The following MAX variants were observed in gnomAD, a reference collection of about 807,000 sequenced individuals.
MAX encodes MYC associated transcriptional regulator X.
A neutral mutation model predicts 22.3 loss-of-function variants in MAX; 3 were observed. That is an observed-to-expected ratio of 0.13 (90% CI 0.06 to 0.35). The LOEUF is 0.35. MAX is among the 10% of genes least tolerant of loss of function. The probability of loss-of-function intolerance (pLI) is 1.00; values close to 1 mark genes in which losing one functional copy is unlikely to be tolerated. For missense variants in MAX, 119 were observed against 209.4 expected (o/e 0.57, Z 2.66); for synonymous variants, 72 against 77.7 (o/e 0.93, Z 0.39).
At position 65,012,197 on chromosome 14, in the gene MAX, G is replaced by A; in HGVS notation, c.172-5913C>T. Reference sequence around the variant, plus strand: ...AGAGAAGTTGCTGGTTATCCAGTCAGTGATTGCAGGGGGACGTCCTGAAGC... The same window carrying A: ...AGAGAAGTTGCTGGTTATCCAGTCAATGATTGCAGGGGGACGTCCTGAAGC... On this transcript the variant is annotated intron_variant, in intron 3 of 3. Coordinates refer to the MAX transcript ENST00000341653. This position sits in a 1 kb window ranked among gnomAD's most constrained non-coding sequence, Gnocchi z 5.0. 4.9e-6 allele frequency: 6 copies of A among 1,229,978 alleles called. No individual in the cohort carries two copies. The highest frequency in any genetic ancestry group is 2.0e-4 in the Middle Eastern group (1 of 5,022). 76.2% of individuals were successfully genotyped at this position (1,229,978 alleles called of 1,614,324 possible).
chr14:65,037,173 G>A (rs537586372), intron 3 of MAX, among the ~76,000 whole-genome samples: 4 of 150,162 alleles, frequency 2.7e-5, no homozygotes, highest in Non-Finnish European at 4.4e-5. Context: ...GCGTGATCTC[G>A]GCTCACTGCA....
At position 65,093,923 on chromosome 14, in the gene MAX, A is replaced by G. The variant is rs1667184379; in HGVS notation, c.64-108T>C. ...CACGCTGTCAGCACTGTCCCTGGCG[A>G]GTGGACTGGGAAGGATTTCTCGAGG... On this transcript the variant is annotated intron_variant, in intron 2 of 4. Coordinates refer to ENST00000358664, the MANE Select transcript of MAX (RefSeq NM_002382.5). The surrounding 1 kb of genome is among the most constrained non-coding windows in gnomAD (Gnocchi z 4.4). 1.3e-6 allele frequency: 1 copy of G among 761,810 alleles called. No individual in the cohort carries two copies. The highest frequency in any genetic ancestry group is 2.4e-6 in the Non-Finnish European group (1 of 415,060). 47.2% of individuals were successfully genotyped at this position (761,810 alleles called of 1,614,324 possible). A position where few individuals can be genotyped will look rare whatever the true frequency, so the allele number is the denominator to read the frequency against.
At chr14:65,061,538 C>T in intron 3 of MAX, 2 of 623,554 alleles carry the variant, frequency 3.2e-6, no homozygotes, top group South Asian at 4.3e-5. Context: ...AATCTATCAG[C>T]CCACGTGGTG....
rs2296318 is a variant in MAX, at chr14:65,044,725, C to T, written c.172-38441G>A. Reference sequence around the variant, plus strand: ...GGGGAGGAAGTGGGCGCTGCTTCTGCGTTATCTGGAAGGAGCAGCCCACTC... The same window carrying T: ...GGGGAGGAAGTGGGCGCTGCTTCTGTGTTATCTGGAAGGAGCAGCCCACTC... On this transcript the variant is annotated intron_variant, in intron 3 of 3. Transcript: ENST00000341653. The surrounding 1 kb of genome is among the most constrained non-coding windows in gnomAD (Gnocchi z 5.5). The T allele has an allele frequency of 3.4e-5, 15 of 438,228 alleles. No homozygotes were observed. In the East Asian group the frequency reaches 7.8e-4, roughly 23 times the overall value. The allele number at this position is 438,228 out of a possible 1,614,324, so 27.1% of individuals were successfully genotyped here. A position where few individuals can be genotyped will look rare whatever the true frequency, so the allele number is the denominator to read the frequency against.
chr14:65,006,314 C>A (rs1595002143), intron 3 of MAX: 3 of 1,612,794 alleles, frequency 1.9e-6, no homozygotes, highest in Non-Finnish European at 2.5e-6. Flanking sequence ...AAAATATCAG[C>A]TTACTAGTAT....
chr14:65,066,576 C>T (rs1015808920), intron 3 of MAX, among the ~76,000 whole-genome samples: 3 of 152,102 alleles, frequency 2.0e-5, no homozygotes, highest in African/African-American at 4.8e-5. Context: ...AATGCATGGC[C>T]GGGTGTGGTG....
chr14:65,095,582 G>A (rs1256444277), intron 2 of MAX, among the ~76,000 whole-genome samples: 2 of 152,142 alleles, frequency 1.3e-5, no homozygotes, highest in Admixed American at 1.3e-4. Context: ...AAGATAAGTT[G>A]GGCTGCGACT....
chr14:65,044,308 C>T lies in MAX; in HGVS notation c.172-38024G>A. The T allele has an allele frequency of 6.2e-7, 1 of 1,613,204 alleles. No homozygotes were observed. Among genetic ancestry groups the T allele is most frequent in the South Asian group, 1.1e-5 (1 of 90,756 alleles). On this transcript the variant is annotated intron_variant, in intron 3 of 3. Coordinates refer to the MAX transcript ENST00000341653. This position sits in a 1 kb window ranked among gnomAD's most constrained non-coding sequence, Gnocchi z 5.5. ...ACTGCCTTTCCCATCTGTGTCTCCT[C>T]AGCAATGGGTGACAAGCCGGCAGAT...
In MAX at chr14:65,044,597, T is replaced by G; in HGVS notation, c.172-38313A>C. 1 of 1,117,826 alleles carries G rather than the reference T, an allele frequency of 8.9e-7. No individual in the cohort carries two copies. The highest frequency in any genetic ancestry group is 1.2e-6 in the Non-Finnish European group (1 of 822,774). 69.2% of individuals were successfully genotyped at this position (1,117,826 alleles called of 1,614,324 possible). A position where few individuals can be genotyped will look rare whatever the true frequency, so the allele number is the denominator to read the frequency against. Reference sequence around the variant, plus strand: ...GTGTGGAACCTCATGCCGTGGGGCATGCGAATGCAGAGTAAGATTTAGTTT... The same window carrying G: ...GTGTGGAACCTCATGCCGTGGGGCAGGCGAATGCAGAGTAAGATTTAGTTT... On this transcript the variant is annotated intron_variant, in intron 3 of 3. Transcript: ENST00000341653. The surrounding 1 kb of genome is among the most constrained non-coding windows in gnomAD (Gnocchi z 5.5).
Position 65,077,017 on chromosome 14 carries a change from G to A in MAX, c.296-354C>T. 1 of 543,964 alleles carries A rather than the reference G, an allele frequency of 1.8e-6. No homozygotes were observed. The highest frequency in any genetic ancestry group is 3.2e-5 in the East Asian group (1 of 30,886). The allele number at this position is 543,964 out of a possible 1,614,324, so 33.7% of individuals were successfully genotyped here. On this transcript the variant is annotated intron_variant, in intron 4 of 4. Coordinates refer to ENST00000358664, the MANE Select transcript of MAX (RefSeq NM_002382.5). This position sits in a 1 kb window ranked among gnomAD's most constrained non-coding sequence, Gnocchi z 6.3. ...AGAGGAGAAGCTGGCCCAGGAGCAT[G>A]AGGCTCCACAAGGTGTGAGGCCACA...
intron 3 of MAX, among the ~76,000 whole-genome samples, chr14:65,013,451 T>C (rs774521679): frequency 3.9e-5 from 6 of 152,196 alleles, no homozygotes; most frequent in Non-Finnish European, 1.5e-5. Flanking sequence ...CTGTGGGCTA[T>C]GAATTTTCAA....
At chr14:65,020,548 C>G (rs977269753) in intron 3 of MAX, among the ~76,000 whole-genome samples, 2 of 151,976 alleles carry the variant, frequency 1.3e-5, no homozygotes, top group East Asian at 3.9e-4. Context: ...GCCTCGGCCT[C>G]CCGAGTAGCT....
At position 65,054,211 on chromosome 14, in the gene MAX, C is replaced by T. The variant is rs1288052136; in HGVS notation, c.171+39497G>A. ...CACTGCAGCCTTCACCTCTTGGGCTCGAGTGATCCTCCTGCTTCAGCCTCC... is the reference window on the plus strand; with the variant it reads ...CACTGCAGCCTTCACCTCTTGGGCTTGAGTGATCCTCCTGCTTCAGCCTCC... On this transcript the variant is annotated intron_variant, in intron 3 of 3. Coordinates refer to the MAX transcript ENST00000341653. The surrounding 1 kb of genome is among the most constrained non-coding windows in gnomAD (Gnocchi z 4.4). 6.6e-6 allele frequency among the ~76,000 whole-genome samples: 1 copy of T among 152,076 alleles called. No individual in the cohort carries two copies. The highest frequency in any genetic ancestry group is 1.5e-5 in the Non-Finnish European group (1 of 68,032).
chr14:65,063,842 G>A (rs2062903561), intron 3 of MAX, among the ~76,000 whole-genome samples: 1 of 152,156 alleles, frequency 6.6e-6, no homozygotes, highest in Admixed American at 6.5e-5. Flanking sequence ...TGAGATTACG[G>A]GTGTGAGCCA....
At chr14:65,021,739 G>A (rs530566471) in intron 3 of MAX, among the ~76,000 whole-genome samples, 2 of 152,210 alleles carry the variant, frequency 1.3e-5, no homozygotes, top group East Asian at 1.9e-4. Flanking sequence ...TCCACCTTCC[G>A]GGTTCAAGCG....
Position 65,076,287 on chromosome 14 carries a change from G to C in MAX, c.*189C>G. ...GGGAATACATTAAAAAATATACAGT[G>C]GAAATGGGGAAGGAGAACGAGAGCT... On this transcript the variant is annotated 3_prime_UTR_variant, in exon 5 of 5. Coordinates refer to ENST00000358664, the MANE Select transcript of MAX (RefSeq NM_002382.5). The surrounding 1 kb of genome is among the most constrained non-coding windows in gnomAD (Gnocchi z 6.6). The C allele has an allele frequency of 6.9e-7, 1 of 1,455,474 alleles. No homozygotes were observed. The highest frequency in any genetic ancestry group is 9.0e-7 in the Non-Finnish European group (1 of 1,110,460). The allele number at this position is 1,455,474 out of a possible 1,614,324, so 90.2% of individuals were successfully genotyped here. A position where few individuals can be genotyped will look rare whatever the true frequency, so the allele number is the denominator to read the frequency against.
intron 3 of MAX, among the ~76,000 whole-genome samples, chr14:65,033,848 C>T (rs1279355943): frequency 2.9e-4 from 44 of 152,112 alleles, no homozygotes; most frequent in Admixed American, 2.9e-3. Flanking sequence ...CAGGGCGAGA[C>T]TCCATCTCAA....
At chr14:65,056,103 T>TTATA (rs899419250) in intron 3 of MAX, among the ~76,000 whole-genome samples, 2 of 152,222 alleles carry the variant, frequency 1.3e-5, no homozygotes, top group African/African-American at 4.8e-5. Flanking sequence ...AATATATAGT[T>TTATA]TTTTATAAGC....
chr14:65,049,141 A>G (rs1454633065), intron 3 of MAX, among the ~76,000 whole-genome samples: 2 of 143,384 alleles, frequency 1.4e-5, no homozygotes, highest in East Asian at 4.1e-4. Flanking sequence ...AAAAAAAAAA[A>G]GGCTTAAGAA....
Sources: allele counts gnomAD v4.1 joint callset (sites outside exome capture counted in the v4.1 genomes callset), GRCh38; gene constraint gnomAD v4.1.1; non-coding constraint Gnocchi (gnomAD v3.1); transcripts MANE v1.5; gene names NCBI Gene and HGNC (gene_info 2026-07-23, HGNC 2026-07-21).